The following CACNA1C variants were observed in gnomAD, a reference collection of about 807,000 sequenced individuals.
CACNA1C encodes the protein calcium voltage-gated channel subunit alpha1 C, also known as voltage-dependent L-type calcium channel subunit alpha-1C.
Under a neutral mutation model 229.0 loss-of-function variants are expected in CACNA1C, and 30 were observed. The ratio of observed to expected loss-of-function variants is 0.13; its 90% CI spans 0.10 to 0.18. The LOEUF is 0.18. Among genes scored for constraint, CACNA1C ranks in the 10% least tolerant of loss-of-function variants. The pLI is 1.00. For missense variants in CACNA1C, 1,658 were observed against 2,845.0 expected (o/e 0.58, Z 9.49); for synonymous variants, 1,114 against 1,132.5 (o/e 0.98, Z 0.33).
At chr12:2,564,824 G>A (rs768880017) in intron 11 of CACNA1C, among the ~76,000 whole-genome samples, 4 of 152,122 alleles carry the variant, frequency 2.6e-5, no homozygotes, top group African/African-American at 4.8e-5. Flanking sequence ...AGAACAGGAA[G>A]AGAATTCCTC....
chr12:2,392,116 A>G (rs550814172), intron 3 of CACNA1C, among the ~76,000 whole-genome samples: 18 of 152,330 alleles, frequency 1.2e-4, no homozygotes, highest in African/African-American at 4.3e-4. Flanking sequence ...ACCAGATGGT[A>G]TTTTTATCAT....
intron 1 of CACNA1C, among the ~76,000 whole-genome samples, chr12:2,063,212 T>C (rs987650699): frequency 5.9e-5 from 9 of 151,658 alleles, no homozygotes; most frequent in East Asian, 1.9e-4. Flanking sequence ...AGTGCAGTGG[T>C]ACGATCTCGT....
In CACNA1C at chr12:2,497,969, T is replaced by TCACACACACACACACACACACACA. The variant is rs3058710; in HGVS notation, c.1113+4594_1113+4617dup. 9.9e-4 allele frequency among the ~76,000 whole-genome samples: 143 copies of TCACACACACACACACACACACACA among 144,004 alleles called. 1 individual carries two copies. The highest frequency in any genetic ancestry group is 7.3e-3 in the East Asian group (34 of 4,650). 94.5% of individuals were successfully genotyped at this position (144,004 alleles called of 152,430 possible). ...TGCGGAGAAGGTATTTCTATTAAATTCACACACACACACACACACACACAC... is the reference window on the plus strand; with the variant it reads ...TGCGGAGAAGGTATTTCTATTAAATTCACACACACACACACACACACACACACACACACACACACACACACACAC... On this transcript the variant is annotated intron_variant, in intron 7 of 46. Transcript: ENST00000399655.
intron 3 of CACNA1C, among the ~76,000 whole-genome samples, chr12:2,182,583 T>C (rs771163709): frequency 2.6e-5 from 4 of 152,160 alleles, no homozygotes; most frequent in Non-Finnish European, 5.9e-5. Flanking sequence ...GAAGCTTTTA[T>C]AGGGAGAAGG....
chr12:2,028,444 T>C (rs1303577611), intron 1 of CACNA1C, among the ~76,000 whole-genome samples: 1 of 152,226 alleles, frequency 6.6e-6, no homozygotes, highest in African/African-American at 2.4e-5. Flanking sequence ...CTGCTCAAAG[T>C]CACAATACCA....
At position 2,648,639 on chromosome 12, in the gene CACNA1C, C is replaced by G. The variant is rs1239749435; in HGVS notation, c.3945+132C>G. 1.0e-5 allele frequency: 8 copies of G among 772,454 alleles called. No individual in the cohort carries two copies. In the East Asian group the frequency reaches 1.5e-4, roughly 14 times the overall value. 47.8% of individuals were successfully genotyped at this position (772,454 alleles called of 1,614,324 possible). A position where few individuals can be genotyped will look rare whatever the true frequency, so the allele number is the denominator to read the frequency against. On this transcript the variant is annotated intron_variant, in intron 31 of 46. Coordinates refer to ENST00000399655, the MANE Select transcript of CACNA1C (RefSeq NM_000719.7). ...CACTGCATGTGGCCACTGTGTCTGCCGTGTGCCTTGCCTGCCTGTTCCCTT... is the reference window on the plus strand; with the variant it reads ...CACTGCATGTGGCCACTGTGTCTGCGGTGTGCCTTGCCTGCCTGTTCCCTT...
At chr12:2,042,857 C>T (rs1435117504) in intron 1 of CACNA1C, among the ~76,000 whole-genome samples, 4 of 152,184 alleles carry the variant, frequency 2.6e-5, no homozygotes, top group Non-Finnish European at 5.9e-5. Context: ...CAATCACTTT[C>T]GAAGGCCACT....
intron 3 of CACNA1C, among the ~76,000 whole-genome samples, chr12:2,355,505 T>G (rs948374188): frequency 2.6e-5 from 4 of 152,194 alleles, no homozygotes; most frequent in Non-Finnish European, 5.9e-5. Context: ...TATTTCCTGC[T>G]GCTGTATTTT....
chr12:2,096,343 G>A (rs1182247652), intron 1 of CACNA1C, among the ~76,000 whole-genome samples: 1 of 152,130 alleles, frequency 6.6e-6, no homozygotes, highest in Admixed American at 6.5e-5. Context: ...ATGTGCTGAG[G>A]GCTTGCCGGA....
chr12:2,097,312 A>T (rs959839283), intron 1 of CACNA1C, among the ~76,000 whole-genome samples: 5 of 151,522 alleles, frequency 3.3e-5, no homozygotes, highest in South Asian at 2.1e-4. Context: ...CGCCCAGCTA[A>T]TTTTTTTGTA....
intron 3 of CACNA1C, among the ~76,000 whole-genome samples, chr12:2,135,956 G>A (rs1434867939): frequency 4.0e-5 from 6 of 149,462 alleles, no homozygotes; most frequent in African/African-American, 1.2e-4. Flanking sequence ...AGCAATCAGC[G>A]AGACTCCGTG....
At chr12:2,436,371 T>C (rs1030492058) in intron 3 of CACNA1C, among the ~76,000 whole-genome samples, 4 of 152,274 alleles carry the variant, frequency 2.6e-5, no homozygotes, top group African/African-American at 9.6e-5. Context: ...TGAAGGGGCC[T>C]CTTCTCCGCC....
At chr12:2,376,288 C>A (rs577367934) in intron 3 of CACNA1C, among the ~76,000 whole-genome samples, 2 of 152,196 alleles carry the variant, frequency 1.3e-5, no homozygotes, top group Admixed American at 6.5e-5. Context: ...TTTGGGCAAG[C>A]CACTAAACTC....
At chr12:2,162,149 T>C (rs907988902) in intron 3 of CACNA1C, among the ~76,000 whole-genome samples, 1 of 152,148 alleles carries the variant, frequency 6.6e-6, no homozygotes, top group Non-Finnish European at 1.5e-5. Flanking sequence ...TCTACCTGTC[T>C]ACCCTTCCAG....
chr12:2,519,327 G>C (rs2099804898), intron 9 of CACNA1C, among the ~76,000 whole-genome samples: 1 of 152,226 alleles, frequency 6.6e-6, no homozygotes, highest in South Asian at 2.1e-4. Flanking sequence ...CCATATGCCA[G>C]TTTTGGCAAA....
At chr12:2,398,011 C>T (rs1222053182) in intron 3 of CACNA1C, among the ~76,000 whole-genome samples, 1 of 152,346 alleles carries the variant, frequency 6.6e-6, no homozygotes, top group East Asian at 1.9e-4. Context: ...TCCTGAATCT[C>T]CATCACTGGC....
chr12:2,191,709 G>A (rs1426381100), intron 3 of CACNA1C, among the ~76,000 whole-genome samples: 1 of 146,200 alleles, frequency 6.8e-6, no homozygotes, highest in Admixed American at 6.8e-5. Flanking sequence ...TGCACACATG[G>A]TCTCATACAG....
chr12:2,629,215 T>C (rs1375838671), intron 29 of CACNA1C, among the ~76,000 whole-genome samples: 1 of 152,226 alleles, frequency 6.6e-6, no homozygotes, highest in African/African-American at 2.4e-5. Flanking sequence ...CTGGTTGCTT[T>C]TTGTTTTAAG....
At chr12:1,990,591 T>C (rs896108854) in intron 1 of CACNA1C, among the ~76,000 whole-genome samples, 3 of 152,300 alleles carry the variant, frequency 2.0e-5, no homozygotes, top group Admixed American at 6.5e-5. Context: ...CAAACCTCTA[T>C]CAATTCTACC....
Sources: gnomAD v4.1 joint callset for allele counts (sites outside exome capture counted in the v4.1 genomes callset) on GRCh38, gnomAD v4.1.1 for gene constraint, MANE v1.5 for transcripts, NCBI Gene and HGNC (gene_info 2026-07-23, HGNC 2026-07-21) for gene names.